ZNF585A: variants seen among roughly 807,000 people sequenced by gnomAD.
ZNF585A encodes the protein zinc finger protein 585A.
Under a neutral mutation model 14.9 loss-of-function variants are expected in ZNF585A, and 9 were observed. The ratio of observed to expected loss-of-function variants is 0.60; its 90% CI spans 0.36 to 1.05. The LOEUF is 1.05. Ranked by LOEUF, ZNF585A falls within the 50% of genes least tolerant of loss-of-function variation. The pLI is 0.01. For synonymous variants in ZNF585A, 276 were observed against 319.9 expected, an observed-to-expected ratio of 0.86 and a Z score of 1.46; for missense variants, 726 against 926.4, an observed-to-expected ratio of 0.78 and a Z score of 2.81.
chr19:37,164,552 C>G (rs911974197), intron 2 of ZNF585A, among the ~76,000 whole-genome samples: 2 of 151,684 alleles, frequency 1.3e-5, no homozygotes. Context: ...TATTGATAAG[C>G]TATCAAATTT....
In ZNF585A at chr19:37,155,893, C is replaced by T. The variant is rs1485740387; in HGVS notation, c.264G>A (p.Gln88=). 6.2e-7 allele frequency: 1 copy of T among 1,612,398 alleles called. No individual in the cohort carries two copies. Among genetic ancestry groups the T allele is most frequent in the South Asian group, 1.1e-5 (1 of 91,008 alleles). The change falls in exon 4 of 5, where the codon CAG becomes CAA. Residue 88 remains glutamine, a synonymous_variant. Transcript: ENST00000292841. ...GGCAGCTCTGACGTGGCCTCTCACC[C>T]TGCAGTGCCCATGGTTCCTTTCCTT... The part of the protein sequence containing the change: ...LEQGKEPWAL[Q]GERPRQSCPG...
At chr19:37,157,442 G>GT (rs1229676920) in intron 2 of ZNF585A, among the ~76,000 whole-genome samples, 5 of 152,130 alleles carry the variant, frequency 3.3e-5, no homozygotes, top group Non-Finnish European at 7.4e-5. Context: ...TCAGACTGAA[G>GT]TTTTTTAAAA....
At position 37,150,277 on chromosome 19, in the gene ZNF585A, T is replaced by C. The variant is rs1188043946; in HGVS notation, c.*1312A>G. 1 of 152,118 alleles carries C rather than the reference T, an allele frequency of 6.6e-6. No individual in the cohort carries two copies. Among genetic ancestry groups the C allele is most frequent in the African/African-American group, 2.4e-5 (1 of 41,418 alleles). The allele number at this position is 152,118 out of a possible 1,614,324, so 9.4% of individuals were successfully genotyped here. On this transcript the variant is annotated 3_prime_UTR_variant, in exon 5 of 5. Transcript: ENST00000292841. ...TGTGTTAGGGACAGTTAGATACTGC[T>C]AGGTGAGTAACGGGAGATAATTGTT...
At chr19:37,162,639 T>C (rs1972029605) in intron 2 of ZNF585A, among the ~76,000 whole-genome samples, 1 of 152,204 alleles carries the variant, frequency 6.6e-6, no homozygotes, top group African/African-American at 2.4e-5. Context: ...CATGGAATAC[T>C]ATGCAGCCAT....
chr19:37,161,677 AGATGT>A (rs1420368922), intron 2 of ZNF585A, among the ~76,000 whole-genome samples: 3 of 152,214 alleles, frequency 2.0e-5, no homozygotes, highest in African/African-American at 7.2e-5. Flanking sequence ...CAGTCAGCTC[AGATGT>A]GAAGATGACA....
Position 37,152,138 on chromosome 19 carries a change from G to A in ZNF585A, c.1761C>T (p.Phe587=). 6.3e-7 allele frequency: 1 copy of A among 1,599,694 alleles called. No homozygotes were observed. Among genetic ancestry groups the A allele is most frequent in the Non-Finnish European group, 8.5e-7 (1 of 1,171,264 alleles). The change falls in exon 5 of 5, where the codon TTC becomes TTT. Residue 587 remains phenylalanine (F), a synonymous_variant. Coordinates refer to ENST00000292841, the MANE Select transcript of ZNF585A (RefSeq NM_001288800.2). ...GAGTAATAAAGTTTGACTTGCGGAT[G>A]AAAGCTCTTCCACACTCAGTGCATA... ...PYVCTECGRA[F]IRKSNFITHQ... is the part of the protein sequence containing the mutation.
chr19:37,160,159 C>T (rs1045435807), intron 2 of ZNF585A, among the ~76,000 whole-genome samples: 2 of 151,604 alleles, frequency 1.3e-5, no homozygotes, highest in African/African-American at 4.8e-5. Flanking sequence ...AGGGCAAAAC[C>T]CCATCTCCAT....
rs571416573 is a variant in ZNF585A at position 37,169,601 on chromosome 19, T to A, written c.72+238A>T. On this transcript the variant is annotated intron_variant, in intron 2 of 4. Coordinates refer to ENST00000292841, the MANE Select transcript of ZNF585A (RefSeq NM_001288800.2). The stretch of plus-strand genomic sequence containing the variant: ...AGTGTGATGACAAAATAAACAACAG[T>A]TTTTCTTAATAGTCCACCTCTCCAC... Among the ~76,000 whole-genome samples, 6 of 152,132 alleles carry A rather than the reference T, an allele frequency of 3.9e-5. No individual in the cohort carries two copies. The East Asian group carries it at 1.2e-3, about 29-fold the overall frequency.
Position 37,152,031 on chromosome 19 carries a change from A to C in ZNF585A, c.1868T>G (p.Val623Gly). The change falls in exon 5 of 5, where the codon GTG becomes GGG. Residue 623 changes from valine (V) to glycine (G), a missense_variant. By Grantham distance (109) the Val-to-Gly change is moderately radical (BLOSUM62 -3). Coordinates refer to ENST00000292841, the MANE Select transcript of ZNF585A (RefSeq NM_001288800.2). The part of the protein sequence containing the change: ...KSFTSKSQLL[V>G]HQPVHTGEKP... ...CTCTCCTGTGTGAACTGGCTGATGC[A>C]CCAGGAGCTGAGACTTGGAGGTAAA... 5 of 1,612,626 alleles carry C rather than the reference A, an allele frequency of 3.1e-6. No individual in the cohort carries two copies. Among genetic ancestry groups the C allele is most frequent in the Non-Finnish European group, 4.2e-6 (5 of 1,179,314 alleles).
chr19:37,148,460 C>G lies in ZNF585A; in HGVS notation c.*3129G>C, dbSNP rs965197102. On this transcript the variant is annotated 3_prime_UTR_variant, in exon 5 of 5. Coordinates refer to ENST00000292841, the MANE Select transcript of ZNF585A (RefSeq NM_001288800.2). Reference sequence around the variant, plus strand: ...ATACAATATTATGGAAAAGGCAGAACTATAGAGACGGAAACAGACTGGTGA... The same window carrying G: ...ATACAATATTATGGAAAAGGCAGAAGTATAGAGACGGAAACAGACTGGTGA... 6.6e-6 allele frequency: 1 copy of G among 151,620 alleles called. No homozygotes were observed. Among genetic ancestry groups the G allele is most frequent in the African/African-American group, 2.4e-5 (1 of 41,238 alleles). 9.4% of individuals were successfully genotyped at this position (151,620 alleles called of 1,614,324 possible).
Position 37,147,755 on chromosome 19 carries a change from C to T in ZNF585A, c.*3834G>A, listed in dbSNP as rs1971762218. ...AAAATATATAAATCTAGTTTTTACA[C>T]TTATAAATCTTTTATCAAATGTAAT... On this transcript the variant is annotated 3_prime_UTR_variant, in exon 5 of 5. Coordinates refer to ENST00000292841, the MANE Select transcript of ZNF585A (RefSeq NM_001288800.2). The T allele has an allele frequency of 6.6e-6, 1 of 152,116 alleles. No individual in the cohort carries two copies. The highest frequency in any genetic ancestry group is 1.5e-5 in the Non-Finnish European group (1 of 68,016). 9.4% of individuals were successfully genotyped at this position (152,116 alleles called of 1,614,324 possible). A position where few individuals can be genotyped will look rare whatever the true frequency, so the allele number is the denominator to read the frequency against.
chr19:37,171,439 G>T (rs1972178524), intron 1 of ZNF585A, among the ~76,000 whole-genome samples: 1 of 152,170 alleles, frequency 6.6e-6, no homozygotes, highest in African/African-American at 2.4e-5. Flanking sequence ...ACTGGAAAAT[G>T]CATTGGAGCA....
chr19:37,156,292 G>A lies in ZNF585A; in HGVS notation c.136C>T (p.Pro46Ser), dbSNP rs780871575. The change falls in exon 3 of 5, where the codon CCT becomes TCT. Residue 46 changes from proline (P) to serine (S), a missense_variant. Pro to Ser is a moderately conservative substitution (Grantham distance 74). This residue lies in a region of ZNF585A where 483 missense variants were observed against 542.8 expected (regional missense o/e 0.89). Transcript: ENST00000292841. ...FSREEWRHLD[P>S]SQRNLYRDVM... ...TCCCGGTACAGGTTTCTCTGAGAAG[G>A]GTCCAGGTGCCGCCATTCCTCTCTG... 7 of 1,614,098 alleles carry A rather than the reference G, an allele frequency of 4.3e-6. No individual in the cohort carries two copies. The highest frequency in any genetic ancestry group is 5.9e-6 in the Non-Finnish European group (7 of 1,180,042).
rs779060372 is a variant in ZNF585A at position 37,153,425 on chromosome 19, A to G, written c.474T>C (p.Tyr158=). 2 of 1,614,196 alleles carry G rather than the reference A, an allele frequency of 1.2e-6. No homozygotes were observed. Among genetic ancestry groups the G allele is most frequent in the Admixed American group, 1.7e-5 (1 of 60,024 alleles). ...AAGCCTTCCCACATTCAATGCATACATAGAGCTTTTCTCCTGCAAGAACTT... is the reference window on the plus strand; with the variant it reads ...AAGCCTTCCCACATTCAATGCATACGTAGAGCTTTTCTCCTGCAAGAACTT... ...HLKVLAGEKL[Y]VCIECGKAFV... Residue 158 remains tyrosine, a synonymous_variant, in exon 5 of 5, where the codon TAT becomes TAC. Coordinates refer to ENST00000292841, the MANE Select transcript of ZNF585A (RefSeq NM_001288800.2).
rs370603448 is a variant in ZNF585A, at chr19:37,151,213, A to T, written c.*376T>A. On this transcript the variant is annotated 3_prime_UTR_variant, in exon 5 of 5. Coordinates refer to ENST00000292841, the MANE Select transcript of ZNF585A (RefSeq NM_001288800.2). ...AAATAACTACGTATTATGTTGTTTT[A>T]TCATTCAATTTGTTGGCACTATACC... 7.3e-6 allele frequency: 3 copies of T among 412,926 alleles called. No homozygotes were observed. The allele number at this position is 412,926 out of a possible 1,614,324, so 25.6% of individuals were successfully genotyped here.
intron 2 of ZNF585A, among the ~76,000 whole-genome samples, chr19:37,156,984 C>G (rs1176109624): frequency 6.6e-6 from 1 of 152,192 alleles, no homozygotes; most frequent in East Asian, 1.9e-4. Context: ...GCCACCGCGC[C>G]TGGCCTCTCT....
intron 2 of ZNF585A, among the ~76,000 whole-genome samples, chr19:37,166,063 G>A (rs1972086253): frequency 6.6e-6 from 1 of 152,114 alleles, no homozygotes; most frequent in South Asian, 2.1e-4. Context: ...GCCCAGGCTG[G>A]AATGCAGTGG....
At chr19:37,162,666 A>G (rs1235001736) in intron 2 of ZNF585A, among the ~76,000 whole-genome samples, 2 of 152,172 alleles carry the variant, frequency 1.3e-5, no homozygotes, top group Non-Finnish European at 2.9e-5. Context: ...GACTGAGATC[A>G]TGTCTTTTGC....
rs1971811031 is a variant in ZNF585A, at chr19:37,150,570, T to C, written c.*1019A>G. The C allele has an allele frequency of 6.6e-6, 1 of 152,110 alleles. No individual in the cohort carries two copies. Among genetic ancestry groups the C allele is most frequent in the Non-Finnish European group, 1.5e-5 (1 of 68,020 alleles). 9.4% of individuals were successfully genotyped at this position (152,110 alleles called of 1,614,324 possible). A position where few individuals can be genotyped will look rare whatever the true frequency, so the allele number is the denominator to read the frequency against. Reference sequence around the variant, plus strand: ...AGATCTCCAGAAACTGTTTCCGGAATTGATGAAGTGTGACACACATAAGAG... The same window carrying C: ...AGATCTCCAGAAACTGTTTCCGGAACTGATGAAGTGTGACACACATAAGAG... On this transcript the variant is annotated 3_prime_UTR_variant, in exon 5 of 5. Coordinates refer to ENST00000292841, the MANE Select transcript of ZNF585A (RefSeq NM_001288800.2).
Sources: allele counts gnomAD v4.1 joint callset (sites outside exome capture counted in the v4.1 genomes callset), GRCh38; gene constraint gnomAD v4.1.1; regional missense constraint gnomAD v4.1.1; transcripts MANE v1.5; gene names NCBI Gene and HGNC (gene_info 2026-07-23, HGNC 2026-07-21).